RAD50: variants seen among roughly 807,000 people sequenced by gnomAD.
RAD50 encodes DNA repair protein RAD50.
A neutral mutation model predicts 168.8 loss-of-function variants in RAD50; 132 were observed. The ratio of observed to expected loss-of-function variants is 0.78; its 90% CI spans 0.68 to 0.90. The LOEUF is 0.90. RAD50 is among the 40% of genes least tolerant of loss of function. The pLI is 0.00. For missense variants in RAD50, 1,347 were observed against 1,534.4 expected, an observed-to-expected ratio of 0.88 and a Z score of 2.04; for synonymous variants, 525 against 497.4, an observed-to-expected ratio of 1.06 and a Z score of -0.74.
chr5:132,582,378 G>A (rs533163172), intron 5 of RAD50, among the ~76,000 whole-genome samples: 1 of 151,574 alleles, frequency 6.6e-6, no homozygotes, highest in South Asian at 2.1e-4. Flanking sequence ...TTCAATAAAT[G>A]TTTATTAAGT....
At chr5:132,563,839 C>T (rs1750161941) in intron 2 of RAD50, among the ~76,000 whole-genome samples, 1 of 152,024 alleles carries the variant, frequency 6.6e-6, no homozygotes, top group South Asian at 2.1e-4. Flanking sequence ...TGGATTTCCC[C>T]CTTGCAGTTC....
At chr5:132,594,050 A>G (rs1750747785) in intron 11 of RAD50, among the ~76,000 whole-genome samples, 1 of 152,200 alleles carries the variant, frequency 6.6e-6, no homozygotes, top group Non-Finnish European at 1.5e-5. Flanking sequence ...GAAGTGCTCA[A>G]GGGAGTCTAG....
chr5:132,582,010 T>C (rs964484944), intron 5 of RAD50, among the ~76,000 whole-genome samples: 8 of 152,146 alleles, frequency 5.3e-5, no homozygotes, highest in Non-Finnish European at 1.2e-4. Flanking sequence ...GAAAGAGAAT[T>C]TCTATCTGAG....
intron 2 of RAD50, among the ~76,000 whole-genome samples, chr5:132,570,969 T>C (rs925133390): frequency 7.9e-5 from 12 of 152,190 alleles, no homozygotes; most frequent in African/African-American, 1.7e-4. Context: ...GGGTTACTAA[T>C]TGGCCTAATT....
intron 17 of RAD50, 139 bp downstream of exon 17, chr5:132,608,864 C>A: frequency 2.2e-6 from 3 of 1,378,482 alleles, no homozygotes; most frequent in Non-Finnish European, 2.9e-6. Flanking sequence ...ATAATTTTGA[C>A]ATTAGAAATT....
chr5:132,600,737 A>G (rs1580999629), intron 13 of RAD50, among the ~76,000 whole-genome samples: 2 of 152,202 alleles, frequency 1.3e-5, no homozygotes, highest in South Asian at 2.1e-4. Flanking sequence ...CCCCTTAGAA[A>G]AGGAATGTTG....
chr5:132,578,176 A>C (rs1429694170), intron 3 of RAD50, among the ~76,000 whole-genome samples: 3 of 152,166 alleles, frequency 2.0e-5, no homozygotes, highest in Non-Finnish European at 4.4e-5. Flanking sequence ...TCCAAAACCA[A>C]ACTCAGTCCT....
chr5:132,564,225 G>A (rs1446560417), intron 2 of RAD50, among the ~76,000 whole-genome samples: 2 of 152,184 alleles, frequency 1.3e-5, no homozygotes, highest in Non-Finnish European at 2.9e-5. Flanking sequence ...ACAGGAAGAT[G>A]AGGAAAAGTT....
Position 132,587,554 on chromosome 5 carries a change from A to G in RAD50, c.757-8A>G, listed in dbSNP as rs775804620. 1.2e-6 allele frequency: 2 copies of G among 1,612,076 alleles called. No individual in the cohort carries two copies. The highest frequency in any genetic ancestry group is 1.7e-6 in the Non-Finnish European group (2 of 1,179,244). On this transcript the variant is annotated splice_region_variant and splice_polypyrimidine_tract_variant and intron_variant, in intron 5 of 24. Coordinates refer to ENST00000378823, the MANE Select transcript of RAD50 (RefSeq NM_005732.4). ...AGTTTTATTTATGTAATGTTTCTTT[A>G]TTTTCAGAATCGTCTAAAAGAAATT...
At chr5:132,609,761 G>A (rs1412397663) in intron 19 of RAD50, among the ~76,000 whole-genome samples, 1 of 152,046 alleles carries the variant, frequency 6.6e-6, no homozygotes, top group Non-Finnish European at 1.5e-5. Context: ...TAGCCTGGGC[G>A]ACACAGCGAG....
At chr5:132,628,141 C>G (rs1751400023) in intron 21 of RAD50, among the ~76,000 whole-genome samples, 1 of 152,116 alleles carries the variant, frequency 6.6e-6, no homozygotes, top group Non-Finnish European at 1.5e-5. Context: ...GATATCTAAG[C>G]AGAGCTGTCA....
rs1750012058 is a variant in RAD50, at chr5:132,557,151, T to C, written c.-174T>C. The C allele has an allele frequency of 1.1e-6, 1 of 876,912 alleles. No individual in the cohort carries two copies. Among genetic ancestry groups the C allele is most frequent in the Non-Finnish European group, 1.8e-6 (1 of 552,798 alleles). 54.3% of individuals were successfully genotyped at this position (876,912 alleles called of 1,614,324 possible). A position where few individuals can be genotyped will look rare whatever the true frequency, so the allele number is the denominator to read the frequency against. Reference sequence around the variant, plus strand: ...AGGAAAGGCTCCATCCCCCGCCCCCTCTCTCCCGCTGTTGGCTGGCAGGAT... The same window carrying C: ...AGGAAAGGCTCCATCCCCCGCCCCCCCTCTCCCGCTGTTGGCTGGCAGGAT... On this transcript the variant is annotated 5_prime_UTR_variant, in exon 1 of 25. Coordinates refer to ENST00000378823, the MANE Select transcript of RAD50 (RefSeq NM_005732.4).
chr5:132,604,091 T>G, intron 15 of RAD50, 45 bp downstream of exon 15: 5 of 1,603,096 alleles, frequency 3.1e-6, no homozygotes, highest in Non-Finnish European at 4.3e-6. Flanking sequence ...ACTTTGACAT[T>G]GCGAGCACAT....
At chr5:132,602,630 T>C (rs542539006) in intron 13 of RAD50, among the ~76,000 whole-genome samples, 5 of 152,324 alleles carry the variant, frequency 3.3e-5, no homozygotes, top group African/African-American at 1.2e-4. Context: ...AAATTATTCA[T>C]ATATATCCCT....
chr5:132,575,678 G>C (rs911784086), intron 2 of RAD50, 99 bp from the exon 3 acceptor site: 1 of 1,148,524 alleles, frequency 8.7e-7, no homozygotes, highest in Admixed American at 1.9e-5. Flanking sequence ...TTTTCTTTTT[G>C]TTCCCTCATT....
Position 132,595,873 on chromosome 5 carries a change from T to A in RAD50, c.2207+63T>A, listed in dbSNP as rs548928516. On this transcript the variant is annotated intron_variant, in intron 13 of 24. Transcript: ENST00000378823. ...CACATTGTAAAAGGTACCCATCTCA[T>A]GCCTGGGCAGATGGTAGTTACTCAG... 4.1e-6 allele frequency: 6 copies of A among 1,450,682 alleles called. No individual in the cohort carries two copies. The Admixed American group carries it at 1.0e-4, about 24-fold the overall frequency. The allele number at this position is 1,450,682 out of a possible 1,614,324, so 89.9% of individuals were successfully genotyped here.
chr5:132,633,098 C>CTTTTT (rs34616055), intron 21 of RAD50, among the ~76,000 whole-genome samples: 21 of 113,008 alleles, frequency 1.9e-4, no homozygotes, highest in Non-Finnish European at 2.6e-4. Context: ...TTCGTTTTTT[C>CTTTTT]TTTTTTTTTT....
chr5:132,618,390 T>C lies in RAD50; in HGVS notation c.3389+96T>C, dbSNP rs59635188. 6,837 of 1,530,738 alleles carry C rather than the reference T, an allele frequency of 4.5e-3. 301 individuals are homozygous for C. In the African/African-American group the frequency reaches 0.085, roughly 19 times the overall value. The allele number at this position is 1,530,738 out of a possible 1,614,324, so 94.8% of individuals were successfully genotyped here. A position where few individuals can be genotyped will look rare whatever the true frequency, so the allele number is the denominator to read the frequency against. ...CATTTTTTTCTTTTTTTCTTTTTTATTTTTTGAGACAGAGTTTCACTCTTG... is the reference window on the plus strand; with the variant it reads ...CATTTTTTTCTTTTTTTCTTTTTTACTTTTTGAGACAGAGTTTCACTCTTG... On this transcript the variant is annotated intron_variant, in intron 21 of 24. Coordinates refer to ENST00000378823, the MANE Select transcript of RAD50 (RefSeq NM_005732.4).
chr5:132,636,121 G>A (rs1279341676), intron 21 of RAD50, among the ~76,000 whole-genome samples: 1 of 152,168 alleles, frequency 6.6e-6, no homozygotes, highest in Non-Finnish European at 1.5e-5. Context: ...ATGGAAGTAA[G>A]TCGCCTCACA....
Sources: allele counts gnomAD v4.1 joint callset (sites outside exome capture counted in the v4.1 genomes callset), GRCh38; gene constraint gnomAD v4.1.1; transcripts MANE v1.5; gene names NCBI Gene and HGNC (gene_info 2026-07-23, HGNC 2026-07-21).